The following GNAI2 variants were observed in gnomAD, a reference collection of about 807,000 sequenced individuals.
GNAI2 encodes the protein G protein subunit alpha i2.
GNAI2 carries 4 observed loss-of-function variants against 36.8 expected under a neutral mutation model. The observed-to-expected ratio is 0.11, with a 90% confidence interval of 0.05 to 0.25. The LOEUF (loss-of-function observed/expected upper bound fraction) is 0.25. GNAI2 is among the 10% of genes least tolerant of loss of function. The pLI is 1.00. For synonymous variants in GNAI2, 194 were observed against 194.1 expected (o/e 1.00, Z 0.01); for missense variants, 230 against 481.3 (o/e 0.48, Z 4.89).
At chr3:50,228,884 C>T (rs778517303), upstream of GNAI2, among the ~76,000 whole-genome samples, 2 of 152,190 alleles carry the variant, frequency 1.3e-5, no homozygotes, top group Non-Finnish European at 2.9e-5. Context: ...ACAGGCAGAG[C>T]GATGCTTGTG....
upstream of GNAI2, among the ~76,000 whole-genome samples, chr3:50,234,853 C>T (rs1700132323): frequency 6.6e-6 from 1 of 152,192 alleles, no homozygotes; most frequent in South Asian, 2.1e-4. Flanking sequence ...CTCTGGGCTG[C>T]TCCTGGAGCA....
intron 1 of GNAI2, among the ~76,000 whole-genome samples, chr3:50,240,486 A>G (rs1559766868): frequency 6.6e-6 from 1 of 152,170 alleles, no homozygotes. Flanking sequence ...AGTTCCACCT[A>G]TGGCACTGGC....
upstream of GNAI2, among the ~76,000 whole-genome samples, chr3:50,232,684 T>A (rs1700089803): frequency 6.6e-6 from 1 of 151,702 alleles, no homozygotes; most frequent in Non-Finnish European, 1.5e-5. Context: ...AGCAAGGGGG[T>A]GATGTGATTT....
chr3:50,256,897 G>A, intron 6 of GNAI2, 40 bp from the exon 7 acceptor site: 1 of 1,613,740 alleles, frequency 6.2e-7, no homozygotes, highest in Non-Finnish European at 8.5e-7. Flanking sequence ...GCGGGCTTGG[G>A]GAGTGGTGGC....
At position 50,252,381 on chromosome 3, in the gene GNAI2, G is replaced by C; in HGVS notation, c.162-16G>C. 6.2e-7 allele frequency: 1 copy of C among 1,613,262 alleles called. No individual in the cohort carries two copies. Among genetic ancestry groups the C allele is most frequent in the Non-Finnish European group, 8.5e-7 (1 of 1,179,764 alleles). ...GTGCCCAGGGGACACTAACCTTCCT[G>C]GTCCCTGGCTATCAGGATCATCCAC... On this transcript the variant is annotated splice_polypyrimidine_tract_variant and intron_variant, in intron 2 of 8. Coordinates refer to ENST00000313601, the MANE Select transcript of GNAI2 (RefSeq NM_002070.4). This position sits in a 1 kb window ranked among gnomAD's most constrained non-coding sequence, Gnocchi z 4.1.
rs186727782 is a variant in GNAI2, at chr3:50,242,343, T to C, written c.118+5890T>C. ...AGGGAGTAGTCTCATCTTCCCAGCA[T>C]CTCAGGCCAGGAATCCCAGCCTAGG... is the stretch of plus-strand genomic sequence containing the variant. On this transcript the variant is annotated intron_variant, in intron 1 of 8. Coordinates refer to ENST00000313601, the MANE Select transcript of GNAI2 (RefSeq NM_002070.4). The surrounding 1 kb of genome is among the most constrained non-coding windows in gnomAD (Gnocchi z 4.8). 7.1e-4 allele frequency among the ~76,000 whole-genome samples: 108 copies of C among 152,154 alleles called. No homozygotes were observed. The highest frequency in any genetic ancestry group is 2.4e-3 in the African/African-American group (101 of 41,500).
Position 50,238,256 on chromosome 3 carries a change from C to T in GNAI2, c.118+1803C>T, listed in dbSNP as rs1428316716. ...GCCAGGAGTCTCTAGACAGCCTCTC[C>T]CCAGGCGATTGCAGTTACTGTGGTG... On this transcript the variant is annotated intron_variant, in intron 1 of 8. Transcript: ENST00000313601. This position sits in a 1 kb window ranked among gnomAD's most constrained non-coding sequence, Gnocchi z 5.0. 2 of 152,206 alleles carry T rather than the reference C, an allele frequency of 1.3e-5. No homozygotes were observed. Among genetic ancestry groups the T allele is most frequent in the African/African-American group, 2.4e-5 (1 of 41,436 alleles). 9.4% of individuals were successfully genotyped at this position (152,206 alleles called of 1,614,324 possible). A position where few individuals can be genotyped will look rare whatever the true frequency, so the allele number is the denominator to read the frequency against.
chr3:50,232,292 T>C (rs962865462), upstream of GNAI2, among the ~76,000 whole-genome samples: 1 of 152,142 alleles, frequency 6.6e-6, no homozygotes, highest in Non-Finnish European at 1.5e-5. Context: ...ATCATGCCAC[T>C]GCGCTCCAGC....
intron 1 of GNAI2, among the ~76,000 whole-genome samples, chr3:50,249,146 C>T (rs1446275011): frequency 6.6e-6 from 1 of 152,182 alleles, no homozygotes; most frequent in Non-Finnish European, 1.5e-5. Flanking sequence ...CCCTGGGTAG[C>T]TTCCCTGCTG....
rs1410911840 is a variant in GNAI2 at position 50,253,857 on chromosome 3, A to G, written c.464+673A>G. 6.6e-6 allele frequency among the ~76,000 whole-genome samples: 1 copy of G among 152,202 alleles called. No homozygotes were observed. The highest frequency in any genetic ancestry group is 1.5e-5 in the Non-Finnish European group (1 of 68,028). On this transcript the variant is annotated intron_variant, in intron 4 of 8. Coordinates refer to ENST00000313601, the MANE Select transcript of GNAI2 (RefSeq NM_002070.4). The surrounding 1 kb of genome is among the most constrained non-coding windows in gnomAD (Gnocchi z 4.2). ...GAAAAGGTAGAGGTGGAGTTGGCCCAGAGACAGGATTGCTGAGCTCTGAAG... is the reference window on the plus strand; with the variant it reads ...GAAAAGGTAGAGGTGGAGTTGGCCCGGAGACAGGATTGCTGAGCTCTGAAG...
chr3:50,246,989 T>C (rs1212847018), intron 1 of GNAI2: 4 of 1,414,584 alleles, frequency 2.8e-6, no homozygotes, highest in Non-Finnish European at 3.9e-6. Context: ...TTGCTCTTCA[T>C]CTGCTCTTTA....
In GNAI2 at chr3:50,242,628, G is replaced by A. The variant is rs879987605; in HGVS notation, c.118+6175G>A. Among the ~76,000 whole-genome samples, 1 of 151,972 alleles carries A rather than the reference G, an allele frequency of 6.6e-6. No homozygotes were observed. The highest frequency in any genetic ancestry group is 2.4e-5 in the African/African-American group (1 of 41,374). On this transcript the variant is annotated intron_variant, in intron 1 of 8. Coordinates refer to ENST00000313601, the MANE Select transcript of GNAI2 (RefSeq NM_002070.4). The surrounding 1 kb of genome is among the most constrained non-coding windows in gnomAD (Gnocchi z 4.8). ...ACCCCAACCCCACCCTCACCCTGAT[G>A]TTACTTCTTGGGGCTGTGGCTGCTC...
At chr3:50,240,377 A>G (rs894128509) in intron 1 of GNAI2, among the ~76,000 whole-genome samples, 1 of 152,206 alleles carries the variant, frequency 6.6e-6, no homozygotes, top group African/African-American at 2.4e-5. Flanking sequence ...CTTGGCCTGT[A>G]TTCCCAAGAG....
upstream of GNAI2, among the ~76,000 whole-genome samples, chr3:50,232,638 A>G (rs1483206111): frequency 1.3e-5 from 2 of 152,180 alleles, no homozygotes; most frequent in Non-Finnish European, 2.9e-5. Context: ...GGCTTCATCT[A>G]TTCTCAGGGC....
Position 50,236,730 on chromosome 3 carries a change from C to T in GNAI2, c.118+277C>T, listed in dbSNP as rs1002370953. Among the ~76,000 whole-genome samples, 1 of 151,942 alleles carries T rather than the reference C, an allele frequency of 6.6e-6. No individual in the cohort carries two copies. The highest frequency in any genetic ancestry group is 1.5e-5 in the Non-Finnish European group (1 of 67,996). On this transcript the variant is annotated intron_variant, in intron 1 of 8. Transcript: ENST00000313601. This position sits in a 1 kb window ranked among gnomAD's most constrained non-coding sequence, Gnocchi z 4.0. ...TCCAGTGCCCTGCTTGGCCATCCCC[C>T]CTTGCTAACTAGCTTCACAGAACTT...
chr3:50,235,904 C>T (rs587721857), upstream of GNAI2: 303 of 153,116 alleles, frequency 2.0e-3, 1 homozygote, highest in Middle Eastern at 0.01. Context: ...AACAGAGCTC[C>T]CGGCGCTCCG....
Position 50,252,180 on chromosome 3 carries a change from G to C in GNAI2, c.161+38G>C, listed in dbSNP as rs587709529. 8 of 1,597,062 alleles carry C rather than the reference G, an allele frequency of 5.0e-6. No homozygotes were observed. The highest frequency in any genetic ancestry group is 1.1e-5 in the South Asian group (1 of 90,560). ...TTCCAGAGGCAGTGCTCAAACTCCA[G>C]CTTCCCCTCTTCACCCTCTGGGCCT... On this transcript the variant is annotated intron_variant, in intron 2 of 8. Transcript: ENST00000313601. This position sits in a 1 kb window ranked among gnomAD's most constrained non-coding sequence, Gnocchi z 4.1.
Position 50,249,540 on chromosome 3 carries a change from C to T in GNAI2, c.119-2560C>T, listed in dbSNP as rs587661176. On this transcript the variant is annotated intron_variant, in intron 1 of 8. Transcript: ENST00000313601. ...ACCCCAGTGAAGATACTGGGCCCGG[C>T]CCCTGTAGTGCCCAGGGGCTAAAGC... Among the ~76,000 whole-genome samples, 242 of 152,288 alleles carry T rather than the reference C, an allele frequency of 1.6e-3. 2 individuals are homozygous for T. The highest frequency in any genetic ancestry group is 2.6e-3 in the Non-Finnish European group (177 of 68,002).
intron 1 of GNAI2, among the ~76,000 whole-genome samples, chr3:50,246,114 T>A (rs1553701739): frequency 6.6e-6 from 1 of 152,180 alleles, no homozygotes; most frequent in African/African-American, 2.4e-5. Context: ...GAGCAGCACC[T>A]GGAGGAAGGA....
Sources: gnomAD v4.1 joint callset for allele counts (sites outside exome capture counted in the v4.1 genomes callset) on GRCh38, gnomAD v4.1.1 for gene constraint, Gnocchi (gnomAD v3.1) non-coding constraint, MANE v1.5 for transcripts, NCBI Gene and HGNC (gene_info 2026-07-23, HGNC 2026-07-21) for gene names.